Variants in MST1 observed in about 807,000 individuals in gnomAD.
The protein encoded by MST1 is hepatocyte growth factor-like protein.
A neutral mutation model predicts 100.1 loss-of-function variants in MST1; 76 were observed. The ratio of observed to expected loss-of-function variants is 0.76; its 90% CI spans 0.63 to 0.92. The LOEUF (loss-of-function observed/expected upper bound fraction) is 0.92. Among genes scored for constraint, MST1 ranks in the 40% least tolerant of loss-of-function variants. The pLI is 0.00. For missense variants in MST1, 850 were observed against 990.0 expected (o/e 0.86, Z 1.90); for synonymous variants, 352 against 385.4 (o/e 0.91, Z 1.01).
chr3:49,685,484 G>T lies in MST1; in HGVS notation c.1410C>A (p.Ile470=). The stretch of plus-strand genomic sequence containing the variant: ...CCAACTCCTAACCTGGGGGGTCCAG[G>T]ATTGATGGCGGCTGGTCATCAGCTG... The part of the protein sequence containing the change: ...RRCADDQPPS[I]LDPPDQVQFE... The change falls in exon 12 of 18, where the codon ATC becomes ATA. Residue 470 remains isoleucine (I), a synonymous_variant. Coordinates refer to ENST00000449682, the MANE Select transcript of MST1 (RefSeq NM_020998.4). 1 of 1,613,654 alleles carries T rather than the reference G, an allele frequency of 6.2e-7. No individual in the cohort carries two copies. Among genetic ancestry groups the T allele is most frequent in the Non-Finnish European group, 8.5e-7 (1 of 1,179,872 alleles).
chr3:49,686,085 C>T lies in MST1; in HGVS notation c.1124G>A (p.Cys375Tyr), dbSNP rs373326765. 265 of 1,610,664 alleles carry T rather than the reference C, an allele frequency of 1.6e-4. 2 individuals are homozygous for T. In the South Asian group the frequency reaches 1.7e-3, roughly 10 times the overall value. ...RAAFCYQIRR[C>Y]TDDVRPQDCY... is the part of the protein sequence containing the mutation. ...ACCCTGGGGCCGCACGTCGTCTGTACAACGCCGGATCTGGTAGCAAAAGGC... is the reference window on the plus strand; with the variant it reads ...ACCCTGGGGCCGCACGTCGTCTGTATAACGCCGGATCTGGTAGCAAAAGGC... The change falls in exon 9 of 18, where the codon TGT (cysteine) becomes TAT (tyrosine). Residue 375 changes from cysteine to tyrosine, a missense_variant. Around this residue, in one of 2 missense-constraint regions of MST1, gnomAD observed 816 missense variants for 924.6 expected, o/e 0.88. Coordinates refer to ENST00000449682, the MANE Select transcript of MST1 (RefSeq NM_020998.4).
rs1161010618 is a variant in MST1 at position 49,689,469 on chromosome 3, A to C, written c.-778T>G. 6.6e-6 allele frequency: 1 copy of C among 152,316 alleles called. No homozygotes were observed. Among genetic ancestry groups the C allele is most frequent in the Non-Finnish European group, 1.5e-5 (1 of 68,128 alleles). 9.4% of individuals were successfully genotyped at this position (152,316 alleles called of 1,614,324 possible). On this transcript the variant is annotated 5_prime_UTR_variant, in exon 1 of 18. Coordinates refer to ENST00000449682, the MANE Select transcript of MST1 (RefSeq NM_020998.4). ...AGCCATGGAGGGGGTCCCCTAGCGG[A>C]GGCTGGGCGCGGGCCAGTGCGCGTG... is the stretch of plus-strand genomic sequence containing the variant.
intron 12 of MST1, 34 bp from the exon 13 acceptor site, chr3:49,685,416 C>G (rs2053631605): frequency 3.1e-6 from 5 of 1,613,606 alleles, no homozygotes. Context: ...GAAACCCAGA[C>G]TGTGTGGATG....
In MST1 at chr3:49,686,983, A is replaced by C. The variant is rs1238728444; in HGVS notation, c.692T>G (p.Leu231Arg). 2 of 1,611,228 alleles carry C rather than the reference A, an allele frequency of 1.2e-6. No homozygotes were observed. Among genetic ancestry groups the C allele is most frequent in the Non-Finnish European group, 1.7e-6 (2 of 1,179,756 alleles). ...GAAGGGGTGCTGGTGCGGGTGCTGA[A>C]GATCCCAGCGCTGGCACTCGCGCCC... The part of the protein sequence containing the change: ...ESGRECQRWD[L>R]QHPHQHPFEP... The change falls in exon 6 of 18, where the codon CTT (leucine) becomes CGT (arginine). Residue 231 changes from leucine to arginine, a missense_variant. Transcript: ENST00000449682.
rs970282724 is a variant in MST1, at chr3:49,683,967, A to C, written c.*61T>G. 1 of 1,579,648 alleles carries C rather than the reference A, an allele frequency of 6.3e-7. No individual in the cohort carries two copies. Among genetic ancestry groups the C allele is most frequent in the African/African-American group, 1.4e-5 (1 of 73,868 alleles). On this transcript the variant is annotated 3_prime_UTR_variant, in exon 18 of 18. Coordinates refer to ENST00000449682, the MANE Select transcript of MST1 (RefSeq NM_020998.4). ...ATCTGTACAGGCATAAAGAGGAAAC[A>C]TGGCTTTATGTCTGACAAGAAGTTT...
intron 1 of MST1, 58 bp from the exon 2 acceptor site, chr3:49,687,955 A>G: frequency 6.5e-7 from 1 of 1,547,964 alleles, no homozygotes; most frequent in Non-Finnish European, 8.8e-7. Flanking sequence ...AGTAATGTGT[A>G]TTGGCATGTC....
rs763868784 is a variant in MST1 at position 49,687,864 on chromosome 3, A to G, written c.128T>C (p.Leu43Pro). 14 of 1,613,550 alleles carry G rather than the reference A, an allele frequency of 8.7e-6. No individual in the cohort carries two copies. In the East Asian group the frequency reaches 1.1e-4, roughly 13 times the overall value. ...QRSPLNDFQV[L>P]RGTELQHLLH... ...CAGGTGCTGTAGCTCTGTGCCCCGGAGCACTTGGAAGTCATTCAATGGCGA... is the reference window on the plus strand; with the variant it reads ...CAGGTGCTGTAGCTCTGTGCCCCGGGGCACTTGGAAGTCATTCAATGGCGA... The change falls in exon 2 of 18, where the codon CTC becomes CCC. Residue 43 changes from leucine (L) to proline (P), a missense_variant. Coordinates refer to ENST00000449682, the MANE Select transcript of MST1 (RefSeq NM_020998.4).
At position 49,686,088 on chromosome 3, in the gene MST1, C is replaced by G. The variant is rs774026528; in HGVS notation, c.1121G>C (p.Arg374Pro). ...CTGGGGCCGCACGTCGTCTGTACAA[C>G]GCCGGATCTGGTAGCAAAAGGCCGC... ...MRAAFCYQIR[R>P]CTDDVRPQDC... The change falls in exon 9 of 18, where the codon CGT becomes CCT. Residue 374 changes from arginine (R) to proline (P), a missense_variant. Arg to Pro is a moderately radical substitution (Grantham distance 103). This residue lies in a region of MST1 where 816 missense variants were observed against 924.6 expected (regional missense o/e 0.88). Coordinates refer to ENST00000449682, the MANE Select transcript of MST1 (RefSeq NM_020998.4). The G allele has an allele frequency of 1.1e-5, 17 of 1,610,648 alleles. No homozygotes were observed. The highest frequency in any genetic ancestry group is 1.4e-5 in the Non-Finnish European group (16 of 1,179,484).
Position 49,685,511 on chromosome 3 carries a change from A to G in MST1, c.1388-5T>C, listed in dbSNP as rs1389331779. 3.1e-6 allele frequency: 5 copies of G among 1,613,372 alleles called. No homozygotes were observed. The African/African-American group carries it at 5.3e-5, about 17-fold the overall frequency. ...TTGATGGCGGCTGGTCATCAGCTGA[A>G]AGACAAAGTTCACTGGGGTTAAGGG... On this transcript the variant is annotated splice_polypyrimidine_tract_variant and splice_region_variant and intron_variant, in intron 11 of 17. Coordinates refer to ENST00000449682, the MANE Select transcript of MST1 (RefSeq NM_020998.4).
chr3:49,685,315 G>A lies in MST1; in HGVS notation c.1491C>T (p.Arg497=), dbSNP rs377097129. The A allele has an allele frequency of 2.4e-5, 39 of 1,613,254 alleles. No homozygotes were observed. In the African/African-American group the frequency reaches 4.0e-4, roughly 17 times the overall value. ...DRLDQRRSKL[R]VVGGHPGNSP... The stretch of plus-strand genomic sequence containing the variant: ...AGTTGCCCGGATGGCCCCCAACCAC[G>A]CGCAGCTTGGAACGCCGCTGATCCA... The change falls in exon 13 of 18, where the codon CGC becomes CGT. Residue 497 remains arginine, a synonymous_variant. Transcript: ENST00000449682.
Position 49,684,372 on chromosome 3 carries a change from C to T in MST1, c.1958G>A (p.Arg653His), listed in dbSNP as rs111260825. The change falls in exon 17 of 18, where the codon CGT (arginine) becomes CAT (histidine). Residue 653 changes from arginine (R) to histidine (H), a missense_variant. Around this residue, in one of 2 missense-constraint regions of MST1, gnomAD observed 816 missense variants for 924.6 expected, o/e 0.88. Coordinates refer to ENST00000449682, the MANE Select transcript of MST1 (RefSeq NM_020998.4). ...NQECNIKHRG[R>H]VRESEMCTEG... ...AGTGCACATCTCACTCTCCCGCACA[C>T]GTCCTCGGTGCTTGATGTTACACTC... is the stretch of plus-strand genomic sequence containing the variant. 6.6e-5 allele frequency: 106 copies of T among 1,613,332 alleles called. No individual in the cohort carries two copies. The highest frequency in any genetic ancestry group is 3.7e-4 in the South Asian group (34 of 91,080).
intron 3 of MST1, 23 bp downstream of exon 3, chr3:49,687,533 T>G (rs375767853): frequency 2.5e-6 from 4 of 1,611,438 alleles, no homozygotes; most frequent in African/African-American, 1.3e-5. Context: ...TCTCCCACCC[T>G]GCCCCTCTCC....
rs2087730 is a variant in MST1 at position 49,689,378 on chromosome 3, A to G, written c.-687T>C. On this transcript the variant is annotated 5_prime_UTR_variant, in exon 1 of 18. Transcript: ENST00000449682. ...GCAGCAGGGCTGGGAGCATCCCCAG[A>G]GCAGGCGGAGGTCGGAGGTGGTGAG... is the stretch of plus-strand genomic sequence containing the variant. The G allele has an allele frequency of 0.99, 151,494 of 152,482 alleles. 75,267 individuals carry two copies. The highest frequency in any genetic ancestry group is 1 in the East Asian group (5,182 of 5,182). The allele number at this position is 152,482 out of a possible 1,614,324, so 9.4% of individuals were successfully genotyped here. A position where few individuals can be genotyped will look rare whatever the true frequency, so the allele number is the denominator to read the frequency against.
chr3:49,685,804 AAGCAT>A, intron 10 of MST1, 51 bp downstream of exon 10: 1 of 1,612,676 alleles, frequency 6.2e-7, no homozygotes, highest in Non-Finnish European at 8.5e-7. Context: ...CCAGACACCA[AAGCAT>A]GCCGCCCCAG....
Position 49,685,843 on chromosome 3 carries a change from G to A in MST1, c.1250+17C>T. On this transcript the variant is annotated intron_variant, in intron 10 of 17. Coordinates refer to ENST00000449682, the MANE Select transcript of MST1 (RefSeq NM_020998.4). ...AGGGTTAGGGCCCTGGCGGGGCCGG[G>A]AGCACCAGGGACTCACTGCGGCTTG... The A allele has an allele frequency of 6.2e-7, 1 of 1,611,808 alleles. No homozygotes were observed.
intron 7 of MST1, 80 bp downstream of exon 7, chr3:49,686,604 C>T (rs2053779256): frequency 1.3e-6 from 2 of 1,551,046 alleles, no homozygotes; most frequent in South Asian, 1.2e-5. Flanking sequence ...TCACGCCCAG[C>T]CCCTCTTACC....
rs141972548 is a variant in MST1 at position 49,685,490 on chromosome 3, T to C, written c.1404A>G (p.Pro468=). Residue 468 remains proline (P), a synonymous_variant, in exon 12 of 18, where the codon CCA becomes CCG. Coordinates refer to ENST00000449682, the MANE Select transcript of MST1 (RefSeq NM_020998.4). The stretch of plus-strand genomic sequence containing the variant: ...CCTAACCTGGGGGGTCCAGGATTGA[T>C]GGCGGCTGGTCATCAGCTGAAAGAC... ...ALRRCADDQP[P]SILDPPDQVQ... The C allele has an allele frequency of 7.4e-6, 12 of 1,613,568 alleles. No homozygotes were observed. The highest frequency in any genetic ancestry group is 1.3e-5 in the African/African-American group (1 of 75,034).
At chr3:49,686,621 G>A in intron 7 of MST1, 63 bp downstream of exon 7, 7 of 1,548,476 alleles carry the variant, frequency 4.5e-6, no homozygotes, top group Non-Finnish European at 6.1e-6. Context: ...TACCTCCCCG[G>A]CCAAGCCACG....
chr3:49,685,164 C>T (rs1390374498), intron 13 of MST1, 75 bp from the exon 14 acceptor site: 11 of 1,596,534 alleles, frequency 6.9e-6, no homozygotes, highest in Non-Finnish European at 8.5e-6. Flanking sequence ...CTGGCTAGGA[C>T]CTCTGGGGGC....
Sources: gnomAD v4.1 joint callset for allele counts on GRCh38, gnomAD v4.1.1 for gene constraint, gnomAD v4.1.1 regional missense constraint, MANE v1.5 for transcripts, NCBI Gene and HGNC (gene_info 2026-07-23, HGNC 2026-07-21) for gene names.